SPRY3: variants seen among roughly 807,000 people sequenced by gnomAD.
SPRY3 encodes the protein protein sprouty homolog 3.
SPRY3 carries 15 observed loss-of-function variants against 20.2 expected under a neutral mutation model. That is an observed-to-expected ratio of 0.74 (90% confidence interval 0.50 to 1.14). The LOEUF is 1.14. SPRY3 is among the 50% of genes most tolerant of loss of function. The probability of loss-of-function intolerance (pLI) is 0.00; values close to 1 mark genes in which losing one functional copy is unlikely to be tolerated. For synonymous variants in SPRY3, 143 were observed against 136.5 expected (o/e 1.05, Z -0.33); for missense variants, 364 against 363.9 (o/e 1.00, Z 0.00).
At chrX:155,723,703 A>C (rs971474035) in intron 2 of SPRY3, among the ~76,000 whole-genome samples, 4 of 151,996 alleles carry the variant, frequency 2.6e-5, no homozygotes, top group African/African-American at 9.7e-5. Flanking sequence ...AGATGGGTAG[A>C]TGGTAAAAAT....
intron 3 of SPRY3, 108 bp downstream of exon 2, chrX:155,768,244 CCGCGCGCTTGG>C (rs1391272151): frequency 2.4e-5 from 3 of 124,996 alleles, no homozygotes; most frequent in East Asian, 2.2e-4. Context: ...CGTGTGTGTG[CCGCGCGCTTGG>C]GCGCGCGCGC....
intron 2 of SPRY3, among the ~76,000 whole-genome samples, chrX:155,765,983 G>A (rs1386138251): frequency 6.6e-6 from 1 of 152,184 alleles, no homozygotes; most frequent in Non-Finnish European, 1.5e-5. Context: ...TACAGTGCTT[G>A]ACACATAGTT....
At chrX:155,777,477 CA>C (rs2091434576), downstream of SPRY3, 1 of 166,410 alleles carries the variant, frequency 6.0e-6, no homozygotes, top group Non-Finnish European at 1.5e-5. Flanking sequence ...AAGGGTTACT[CA>C]AATACAGTTG....
At chrX:155,725,097 T>C (rs777353997) in intron 2 of SPRY3, among the ~76,000 whole-genome samples, 2 of 152,318 alleles carry the variant, frequency 1.3e-5, no homozygotes, top group South Asian at 2.1e-4. Context: ...TTGTCATTGG[T>C]TCCATTTACG....
intron 1 of SPRY3, among the ~76,000 whole-genome samples, chrX:155,616,151 T>C (rs782177768): frequency 9.0e-5 from 3 of 33,188 alleles, no homozygotes; most frequent in African/African-American, 6.7e-5. Flanking sequence ...CTCTCTCTCT[T>C]CTCTCTCTCT....
intron 1 of SPRY3, among the ~76,000 whole-genome samples, chrX:155,645,911 C>A (rs1321551202): frequency 9.0e-6 from 1 of 111,527 alleles, no homozygotes; most frequent in African/African-American, 3.3e-5. Context: ...TTGTCCCTCC[C>A]CTCTCCAGAT....
intron 2 of SPRY3, among the ~76,000 whole-genome samples, chrX:155,729,580 T>A (rs1221087852): frequency 1.3e-5 from 2 of 152,000 alleles, no homozygotes; most frequent in African/African-American, 4.8e-5. Flanking sequence ...AGAGTGAAGT[T>A]TATAGCTGTA....
intron 1 of SPRY3, among the ~76,000 whole-genome samples, chrX:155,656,855 C>A (rs1390644207): frequency 9.0e-6 from 1 of 111,500 alleles, no homozygotes; most frequent in Non-Finnish European, 1.9e-5. Context: ...CAGTCAGGCC[C>A]CTCTTCTGCA....
chrX:155,704,624 G>T (rs976424936), intron 2 of SPRY3, among the ~76,000 whole-genome samples: 9 of 151,558 alleles, frequency 5.9e-5, no homozygotes, highest in African/African-American at 9.7e-5. Context: ...TAATGACTGA[G>T]AATTTTTTTT....
At chrX:155,727,068 G>C (rs1170738528) in intron 2 of SPRY3, among the ~76,000 whole-genome samples, 2 of 151,978 alleles carry the variant, frequency 1.3e-5, no homozygotes, top group Non-Finnish European at 2.9e-5. Flanking sequence ...ATAAAGCTTA[G>C]TTTGGCTGGA....
intron 2 of SPRY3, among the ~76,000 whole-genome samples, chrX:155,715,853 G>A (rs1316529741): frequency 3.9e-5 from 6 of 152,158 alleles, no homozygotes; most frequent in African/African-American, 1.4e-4. Context: ...GCAGCACTGA[G>A]TTTAATGTAA....
chrX:155,670,360 T>C (rs1254260856), intron 2 of SPRY3, among the ~76,000 whole-genome samples: 2 of 112,130 alleles, frequency 1.8e-5, no homozygotes, highest in African/African-American at 6.5e-5. Flanking sequence ...TGTTTGGCCT[T>C]GTCCAATTCT....
chrX:155,698,494 A>C (rs1166512759), intron 2 of SPRY3, among the ~76,000 whole-genome samples: 2 of 111,736 alleles, frequency 1.8e-5, no homozygotes, highest in African/African-American at 6.5e-5. Context: ...GCTTATCTAA[A>C]GCTCACATCC....
chrX:155,774,037 G>T, exon 4 of SPRY3: 1 of 1,613,900 alleles, frequency 6.2e-7, no homozygotes, highest in Non-Finnish European at 8.5e-7. Context: ...TTGGTCTCTG[G>T]CTACCATGCC....
chrX:155,658,205 A>C (rs1016036549), intron 2 of SPRY3, among the ~76,000 whole-genome samples: 8 of 110,199 alleles, frequency 7.3e-5, no homozygotes, highest in South Asian at 3.8e-4. Context: ...GTACTTTATA[A>C]TTTTTTTTTC....
intron 3 of SPRY3, among the ~76,000 whole-genome samples, chrX:155,771,041 A>C (rs1318292682): frequency 6.6e-6 from 1 of 152,188 alleles, no homozygotes; most frequent in Non-Finnish European, 1.5e-5. Context: ...ACAGAGCAGG[A>C]AGAAACCTTC....
intron 1 of SPRY3, among the ~76,000 whole-genome samples, chrX:155,621,687 C>G (rs1051168112): frequency 8.9e-6 from 1 of 111,732 alleles, no homozygotes; most frequent in Non-Finnish European, 1.9e-5. Context: ...CAAAGGTCCC[C>G]TCATTTCAGT....
intron 1 of SPRY3, among the ~76,000 whole-genome samples, chrX:155,655,131 G>T (rs191029122): frequency 1.2e-3 from 138 of 111,479 alleles, no homozygotes; most frequent in African/African-American, 4.1e-3. Context: ...TGTTGAGCAT[G>T]ATTTCATATA....
chrX:155,642,380 T>C (rs2124538000), intron 1 of SPRY3, among the ~76,000 whole-genome samples: 1 of 112,059 alleles, frequency 8.9e-6, no homozygotes, highest in African/African-American at 3.2e-5. Context: ...CTTTTTTTCT[T>C]AATTAGTCTG....
Sources: allele counts gnomAD v4.1 joint callset (sites outside exome capture counted in the v4.1 genomes callset), GRCh38; gene constraint gnomAD v4.1.1; transcripts MANE v1.5; gene names NCBI Gene and HGNC (gene_info 2026-07-23, HGNC 2026-07-21).